VIPR2: variants seen among roughly 807,000 people sequenced by gnomAD.
VIPR2 encodes vasoactive intestinal peptide receptor 2, also known as vasoactive intestinal polypeptide receptor 2.
In VIPR2, 48 loss-of-function variants were observed where a neutral mutation model predicts 58.0. That is an observed-to-expected ratio of 0.83 (90% CI 0.66 to 1.05). The LOEUF (loss-of-function observed/expected upper bound fraction) is 1.05. VIPR2 is among the 50% of genes least tolerant of loss of function. The pLI, the probability that VIPR2 is intolerant of heterozygous loss-of-function variation, is 0.00. For missense variants in VIPR2, 534 were observed against 558.0 expected, an observed-to-expected ratio of 0.96 and a Z score of 0.43; for synonymous variants, 243 against 235.2, an observed-to-expected ratio of 1.03 and a Z score of -0.30.
Position 159,103,795 on chromosome 7 carries a change from C to G in VIPR2, c.319G>C (p.Asp107His). 2 of 1,614,118 alleles carry G rather than the reference C, an allele frequency of 1.2e-6. No homozygotes were observed. Among genetic ancestry groups the G allele is most frequent in the Non-Finnish European group, 1.7e-6 (2 of 1,180,030 alleles). The change falls in exon 4 of 13, where the codon GAT (aspartate) becomes CAT (histidine). Residue 107 changes from aspartate (D) to histidine (H), a missense_variant. Physicochemically the swap from Asp to His is moderately conservative, Grantham distance 81. Transcript: ENST00000262178. ...TCCGGGTCGCTGTAGCCACAGGCAT[C>G]GACGAAATCTGGGAACGTCTCTGAC... The part of the protein sequence containing the change: ...GWSETFPDFV[D>H]ACGYSDPEDE...
Position 159,030,539 on chromosome 7 carries a change from G to A in VIPR2, c.*77C>T. On this transcript the variant is annotated 3_prime_UTR_variant, in exon 13 of 13. Transcript: ENST00000262178. The stretch of plus-strand genomic sequence containing the variant: ...CGACACGGTGCTCGGGCATCTGGAA[G>A]GAGGAAGCCGGCGTCTCAGCCCCGC... 1 of 1,452,282 alleles carries A rather than the reference G, an allele frequency of 6.9e-7. No homozygotes were observed. Among genetic ancestry groups the A allele is most frequent in the East Asian group, 2.6e-5 (1 of 38,678 alleles). 90.0% of individuals were successfully genotyped at this position (1,452,282 alleles called of 1,614,324 possible). A position where few individuals can be genotyped will look rare whatever the true frequency, so the allele number is the denominator to read the frequency against.
chr7:159,119,355 T>C (rs1385648272), intron 2 of VIPR2, among the ~76,000 whole-genome samples: 1 of 152,184 alleles, frequency 6.6e-6, no homozygotes, highest in Admixed American at 6.5e-5. Context: ...AAGGTAGAGC[T>C]GGGTGCACGG....
intron 2 of VIPR2, among the ~76,000 whole-genome samples, chr7:159,140,722 G>A (rs542906180): frequency 2.0e-5 from 3 of 152,330 alleles, no homozygotes; most frequent in African/African-American, 4.8e-5. Context: ...TCAAGCTGGC[G>A]TGGGGCTGAG....
chr7:159,030,573 C>T lies in VIPR2; in HGVS notation c.*43G>A. On this transcript the variant is annotated 3_prime_UTR_variant, in exon 13 of 13. Coordinates refer to ENST00000262178, the MANE Select transcript of VIPR2 (RefSeq NM_003382.5). ...CGGCGTCTCAGCCCCGCAGAAGCCC[C>T]GAACCGTGGGCCTCCCGCCGCGTCC... is the stretch of plus-strand genomic sequence containing the variant. The T allele has an allele frequency of 1.3e-6, 2 of 1,494,154 alleles. No individual in the cohort carries two copies. The highest frequency in any genetic ancestry group is 8.9e-7 in the Non-Finnish European group (1 of 1,118,534). 92.6% of individuals were successfully genotyped at this position (1,494,154 alleles called of 1,614,324 possible).
intron 6 of VIPR2, among the ~76,000 whole-genome samples, chr7:159,040,835 T>G (rs1411393102): frequency 6.6e-6 from 1 of 152,244 alleles, no homozygotes; most frequent in African/African-American, 2.4e-5. Flanking sequence ...AAGACCCAGC[T>G]TGGCTCCTCT....
chr7:159,141,366 C>A (rs1047016290), intron 2 of VIPR2, among the ~76,000 whole-genome samples: 2 of 152,246 alleles, frequency 1.3e-5, no homozygotes, highest in Non-Finnish European at 2.9e-5. Flanking sequence ...GCAGAGCCTG[C>A]ACGTTTCAGA....
chr7:159,035,378 G>T (rs6949195), intron 8 of VIPR2, among the ~76,000 whole-genome samples: 16,392 of 152,236 alleles, frequency 0.11, 929 homozygotes, highest in Middle Eastern at 0.17. Flanking sequence ...ACTAGACGGT[G>T]GGTGTTTTAA....
At position 159,127,104 on chromosome 7, in the gene VIPR2, G is replaced by A. The variant is rs1796679895; in HGVS notation, c.151+15342C>T. ...CAAACGTGTTTAGAATGCTGCAGAG[G>A]ATACTTTACAGCAAGCCGGATTTTC... is the stretch of plus-strand genomic sequence containing the variant. On this transcript the variant is annotated intron_variant, in intron 2 of 12. Transcript: ENST00000262178. The surrounding 1 kb of genome is among the most constrained non-coding windows in gnomAD (Gnocchi z 4.6). 2.6e-5 allele frequency among the ~76,000 whole-genome samples: 4 copies of A among 152,206 alleles called. No individual in the cohort carries two copies. Among genetic ancestry groups the A allele is most frequent in the Non-Finnish European group, 5.9e-5 (4 of 68,040 alleles).
rs1414942237 is a variant in VIPR2, at chr7:159,096,398, C to T, written c.357+7359G>A. 6.6e-6 allele frequency among the ~76,000 whole-genome samples: 1 copy of T among 152,208 alleles called. No individual in the cohort carries two copies. The highest frequency in any genetic ancestry group is 1.5e-5 in the Non-Finnish European group (1 of 68,040). Reference sequence around the variant, plus strand: ...CGCACCGCTGTGTTTCCTACAGGTCCGCTGCCCTGTGCTGCACATCATCCT... The same window carrying T: ...CGCACCGCTGTGTTTCCTACAGGTCTGCTGCCCTGTGCTGCACATCATCCT... On this transcript the variant is annotated intron_variant, in intron 4 of 12. Coordinates refer to ENST00000262178, the MANE Select transcript of VIPR2 (RefSeq NM_003382.5). The surrounding 1 kb of genome is among the most constrained non-coding windows in gnomAD (Gnocchi z 5.5).
chr7:159,117,148 A>G, intron 2 of VIPR2: 3 of 610,192 alleles, frequency 4.9e-6, no homozygotes, highest in Non-Finnish European at 8.9e-6. Flanking sequence ...CACTCTGACC[A>G]CAGGACGGAG....
chr7:159,056,483 CTGGACTGGCA>C (rs1443543402), intron 5 of VIPR2, among the ~76,000 whole-genome samples: 5 of 152,200 alleles, frequency 3.3e-5, no homozygotes, highest in African/African-American at 1.2e-4. Context: ...GTGGACCCTG[CTGGACTGGCA>C]TGGACTGGAA....
rs142898881 is a variant in VIPR2 at position 159,032,034 on chromosome 7, C to A, written c.1005G>T (p.Pro335=). The part of the protein sequence containing the change: ...RLAKSTLLLI[P]LFGVHYMVFA... ...ACACCATGTAGTGGACGCCGAACAG[C>A]GGGATAAGCAGGAGCGTGGACTTGG... Residue 335 remains proline (P), a synonymous_variant, in exon 11 of 13, where the codon CCG becomes CCT. Transcript: ENST00000262178. The A allele has an allele frequency of 6.2e-7, 1 of 1,614,060 alleles. No homozygotes were observed. Among genetic ancestry groups the A allele is most frequent in the Non-Finnish European group, 8.5e-7 (1 of 1,180,026 alleles).
Position 159,093,396 on chromosome 7 carries a change from C to T in VIPR2, c.357+10361G>A, listed in dbSNP as rs894423118. ...CCTTTAGTAGAAGTCAGGGCAGGCA[C>T]CGCGGCTCCACGCTTACTTTCGAGG... On this transcript the variant is annotated intron_variant, in intron 4 of 12. Coordinates refer to ENST00000262178, the MANE Select transcript of VIPR2 (RefSeq NM_003382.5). This position sits in a 1 kb window ranked among gnomAD's most constrained non-coding sequence, Gnocchi z 6.7. 6.6e-6 allele frequency among the ~76,000 whole-genome samples: 1 copy of T among 152,204 alleles called. No individual in the cohort carries two copies. Among genetic ancestry groups the T allele is most frequent in the Non-Finnish European group, 1.5e-5 (1 of 68,030 alleles).
At chr7:159,101,733 A>G (rs56218807) in intron 4 of VIPR2, among the ~76,000 whole-genome samples, 36 of 102,130 alleles carry the variant, frequency 3.5e-4, no homozygotes, top group South Asian at 3.6e-4. Flanking sequence ...GTAGTGAATG[A>G]GTCTCACGAG....
intron 4 of VIPR2, among the ~76,000 whole-genome samples, chr7:159,063,591 G>A (rs2129494246): frequency 6.6e-6 from 1 of 151,632 alleles, no homozygotes; most frequent in African/African-American, 2.4e-5. Context: ...GTGCAGCGGC[G>A]GGCTGAAGCG....
intron 3 of VIPR2, among the ~76,000 whole-genome samples, chr7:159,106,659 G>T (rs1206335492): frequency 2.8e-5 from 4 of 140,866 alleles, no homozygotes; most frequent in African/African-American, 5.4e-5. Flanking sequence ...AGAGAGGCCA[G>T]GGAGGGGCAG....
chr7:159,084,021 C>A (rs528060247), intron 4 of VIPR2, among the ~76,000 whole-genome samples: 2 of 152,262 alleles, frequency 1.3e-5, no homozygotes, highest in Non-Finnish European at 2.9e-5. Context: ...CCCACTTCAG[C>A]CCCCATCACA....
In VIPR2 at chr7:159,031,847, T is replaced by G. The variant is rs774356407; in HGVS notation, c.1124A>C (p.Tyr375Ser). 4 of 1,613,856 alleles carry G rather than the reference T, an allele frequency of 2.5e-6. No individual in the cohort carries two copies. The Admixed American group carries it at 6.7e-5, about 27-fold the overall frequency. ...ACTTACCTCACTGTTCAGGAAACAG[T>G]AGAGGACGGCCACCACCAGGCCCTG... ...SFQGLVVAVL[Y>S]CFLNSEVQCE... The change falls in exon 12 of 13, where the codon TAC becomes TCC. Residue 375 changes from tyrosine (Y) to serine (S), a missense_variant. Tyr to Ser is a moderately radical substitution (Grantham distance 144, BLOSUM62 -2). Coordinates refer to ENST00000262178, the MANE Select transcript of VIPR2 (RefSeq NM_003382.5). This position sits in a 1 kb window ranked among gnomAD's most constrained non-coding sequence, Gnocchi z 4.0.
rs1857918086 is a variant in VIPR2 at position 159,097,259 on chromosome 7, G to A, written c.357+6498C>T. 7.2e-7 allele frequency: 1 copy of A among 1,381,390 alleles called. No homozygotes were observed. Among genetic ancestry groups the A allele is most frequent in the African/African-American group, 1.4e-5 (1 of 69,182 alleles). The allele number at this position is 1,381,390 out of a possible 1,614,324, so 85.6% of individuals were successfully genotyped here. A position where few individuals can be genotyped will look rare whatever the true frequency, so the allele number is the denominator to read the frequency against. On this transcript the variant is annotated intron_variant, in intron 4 of 12. Transcript: ENST00000262178. This position sits in a 1 kb window ranked among gnomAD's most constrained non-coding sequence, Gnocchi z 5.3. Reference sequence around the variant, plus strand: ...GCCTGAGTGCTGGAGGAGGGCAGAGGCTTATTTTTAGGGATGTGGCGTAAC... The same window carrying A: ...GCCTGAGTGCTGGAGGAGGGCAGAGACTTATTTTTAGGGATGTGGCGTAAC...
Sources: allele counts gnomAD v4.1 joint callset (sites outside exome capture counted in the v4.1 genomes callset), GRCh38; gene constraint gnomAD v4.1.1; non-coding constraint Gnocchi (gnomAD v3.1); transcripts MANE v1.5; gene names NCBI Gene and HGNC (gene_info 2026-07-23, HGNC 2026-07-21).